Variants in TPP2 observed in about 807,000 individuals in gnomAD.
TPP2 encodes the protein tripeptidyl-peptidase 2.
In TPP2, 34 loss-of-function variants were observed where a neutral mutation model predicts 155.9. The observed-to-expected ratio is 0.22, with a 90% CI of 0.17 to 0.29. The LOEUF is 0.29. Among genes scored for constraint, TPP2 ranks in the 10% least tolerant of loss-of-function variants. TPP2 has a pLI of 1.00. For synonymous variants in TPP2, 510 were observed against 529.4 expected (o/e 0.96, Z 0.50); for missense variants, 1,028 against 1,522.3 (o/e 0.68, Z 5.40).
rs749478978 is a variant in TPP2, at chr13:102,663,692, C to T, written c.3188C>T (p.Pro1063Leu). 7 of 1,608,352 alleles carry T rather than the reference C, an allele frequency of 4.4e-6. No individual in the cohort carries two copies. Among genetic ancestry groups the T allele is most frequent in the African/African-American group, 2.7e-5 (2 of 74,660 alleles). Residue 1063 changes from proline to leucine, a missense_variant, in exon 26 of 30, where the codon CCT becomes CTT. Coordinates refer to ENST00000376052, the MANE Select transcript of TPP2 (RefSeq NM_001330588.2). Reference sequence around the variant, plus strand: ...TATAACGAATTGAAAGAAACATATCCTAATTATCTTCCTCTGTACGTTGCA... The same window carrying T: ...TATAACGAATTGAAAGAAACATATCTTAATTATCTTCCTCTGTACGTTGCA... ...DIYNELKETY[P>L]NYLPLYVARL... is the part of the protein sequence containing the mutation.
rs765765738 is a variant in TPP2 at position 102,649,122 on chromosome 13, A to G, written c.2844A>G (p.Pro948=). The change falls in exon 22 of 30, where the codon CCA becomes CCG. Residue 948 remains proline (P), a synonymous_variant. Transcript: ENST00000376052. ...CATTACCACCCAAATATAACCAGCC[A>G]TTCTTTGTTACTTCCTTACCTGATG... The part of the protein sequence containing the change: ...NLTLPPKYNQ[P]FFVTSLPDDK... 2.5e-6 allele frequency: 4 copies of G among 1,611,242 alleles called. No individual in the cohort carries two copies. The highest frequency in any genetic ancestry group is 3.4e-6 in the Non-Finnish European group (4 of 1,178,878).
chr13:102,600,717 G>A (rs1021409977), intron 1 of TPP2, among the ~76,000 whole-genome samples: 8 of 151,594 alleles, frequency 5.3e-5, no homozygotes, highest in South Asian at 4.2e-4. Context: ...CTCATAGAGG[G>A]AAAAAAAAGG....
chr13:102,677,090 C>T (rs1566380022), intron 29 of TPP2, among the ~76,000 whole-genome samples: 1 of 152,150 alleles, frequency 6.6e-6, no homozygotes, highest in Non-Finnish European at 1.5e-5. Flanking sequence ...CAGTAGGTTC[C>T]TCTGAAAATG....
At chr13:102,633,140 T>C (rs2139496214) in intron 10 of TPP2, among the ~76,000 whole-genome samples, 1 of 152,326 alleles carries the variant, frequency 6.6e-6, no homozygotes, top group East Asian at 1.9e-4. Context: ...GGAAGTGTGC[T>C]ATTCTGTGCC....
chr13:102,655,052 A>C (rs544806610), intron 24 of TPP2: 5 of 495,258 alleles, frequency 1.0e-5, no homozygotes, highest in South Asian at 5.9e-5. Context: ...CCTCAGAGGG[A>C]GAATGACAGC....
At chr13:102,605,020 C>G in intron 2 of TPP2, 99 bp downstream of exon 2, 1 of 1,514,786 alleles carries the variant, frequency 6.6e-7, no homozygotes, top group Non-Finnish European at 9.0e-7. Flanking sequence ...ATTAGTTATC[C>G]ATTGCCACAT....
At chr13:102,669,484 A>T (rs1185001270) in intron 27 of TPP2, among the ~76,000 whole-genome samples, 3 of 152,242 alleles carry the variant, frequency 2.0e-5, no homozygotes, top group Non-Finnish European at 4.4e-5. Context: ...CAGACTTTCC[A>T]GGAAGAGCAT....
chr13:102,676,631 A>G (rs112655816), intron 29 of TPP2, among the ~76,000 whole-genome samples: 1 of 152,318 alleles, frequency 6.6e-6, no homozygotes, highest in African/African-American at 2.4e-5. Context: ...TATCCAAAAA[A>G]CTGATACTAG....
chr13:102,604,544 G>C (rs1244949194), intron 1 of TPP2, among the ~76,000 whole-genome samples: 2 of 152,168 alleles, frequency 1.3e-5, no homozygotes, highest in East Asian at 3.8e-4. Context: ...ATAGGGTGTG[G>C]TCTATAGTAA....
intron 2 of TPP2, among the ~76,000 whole-genome samples, 196 bp from the exon 3 acceptor site, chr13:102,613,905 A>G (rs147265401): frequency 6.6e-6 from 1 of 152,360 alleles, no homozygotes; most frequent in East Asian, 1.9e-4. Flanking sequence ...TAGTTGAATT[A>G]TTTATGGATG....
At chr13:102,624,193 C>A (rs998379842) in intron 6 of TPP2, among the ~76,000 whole-genome samples, 7 of 152,120 alleles carry the variant, frequency 4.6e-5, no homozygotes, top group East Asian at 1.9e-4. Context: ...GTGTTTATAT[C>A]GTGAAAATGT....
At chr13:102,640,712 A>G (rs1309326058) in intron 16 of TPP2, among the ~76,000 whole-genome samples, 4 of 128,474 alleles carry the variant, frequency 3.1e-5, no homozygotes, top group African/African-American at 1.2e-4. Context: ...GTGCAGTGGC[A>G]TGATCTCGGC....
chr13:102,634,776 C>T (rs1347616459), intron 11 of TPP2, among the ~76,000 whole-genome samples: 1 of 152,218 alleles, frequency 6.6e-6, no homozygotes, highest in Non-Finnish European at 1.5e-5. Flanking sequence ...TGAGCCCACA[C>T]TCTTAGGATG....
chr13:102,604,947 A>AT (rs111644256), intron 2 of TPP2, 26 bp downstream of exon 2: 19,512 of 1,203,976 alleles, frequency 0.016, 1 homozygote, highest in African/African-American at 0.019. Context: ...TTCTTTTTGA[A>AT]TTTTTTTTTT....
intron 16 of TPP2, among the ~76,000 whole-genome samples, chr13:102,640,625 G>A (rs549489141): frequency 1.6e-4 from 23 of 145,396 alleles, no homozygotes; most frequent in Non-Finnish European, 2.3e-4. Flanking sequence ...TTAGAATAAT[G>A]CCTTACCTGG....
chr13:102,606,325 C>G (rs942874762), intron 2 of TPP2, among the ~76,000 whole-genome samples: 1 of 152,218 alleles, frequency 6.6e-6, no homozygotes, highest in Non-Finnish European at 1.5e-5. Context: ...ACAGACTTAG[C>G]CGCCTAAAAC....
intron 2 of TPP2, among the ~76,000 whole-genome samples, chr13:102,613,868 A>G (rs1880504565): frequency 6.6e-6 from 1 of 152,232 alleles, no homozygotes; most frequent in African/African-American, 2.4e-5. Context: ...TAAACCATGA[A>G]GCATTGTATA....
Position 102,616,514 on chromosome 13 carries a change from G to T in TPP2, c.495+14G>T, listed in dbSNP as rs759299420. Reference sequence around the variant, plus strand: ...GGCTCTTCTCAAGTTGGTGCTAGTCGATTTCATTTAAACATTACCCTAGAA... The same window carrying T: ...GGCTCTTCTCAAGTTGGTGCTAGTCTATTTCATTTAAACATTACCCTAGAA... On this transcript the variant is annotated intron_variant, in intron 4 of 29. Coordinates refer to ENST00000376052, the MANE Select transcript of TPP2 (RefSeq NM_001330588.2). The T allele has an allele frequency of 3.1e-6, 5 of 1,597,962 alleles. No individual in the cohort carries two copies. Among genetic ancestry groups the T allele is most frequent in the African/African-American group, 1.3e-5 (1 of 74,558 alleles).
intron 16 of TPP2, among the ~76,000 whole-genome samples, chr13:102,640,763 TCCTC>T (rs972858117): frequency 3.3e-5 from 5 of 150,290 alleles, no homozygotes; most frequent in African/African-American, 4.9e-5. Flanking sequence ...CGATTCTCCT[TCCTC>T]AGCCTCCCGA....
Sources: gnomAD v4.1 joint callset for allele counts (sites outside exome capture counted in the v4.1 genomes callset) on GRCh38, gnomAD v4.1.1 for gene constraint, MANE v1.5 for transcripts, NCBI Gene and HGNC (gene_info 2026-07-23, HGNC 2026-07-21) for gene names.